ROBO1: variants seen among roughly 807,000 people sequenced by gnomAD.
ROBO1 encodes roundabout homolog 1.
ROBO1 carries 149 observed loss-of-function variants against 195.9 expected under a neutral mutation model. The ratio of observed to expected loss-of-function variants is 0.76; its 90% confidence interval spans 0.67 to 0.87. The LOEUF is 0.87. Ranked by LOEUF, ROBO1 falls within the 40% of genes least tolerant of loss-of-function variation. The probability of loss-of-function intolerance (pLI) is 0.00; values close to 1 mark genes in which losing one functional copy is unlikely to be tolerated. For synonymous variants in ROBO1, 816 were observed against 733.2 expected (o/e 1.11, Z -1.82); for missense variants, 1,933 against 2,068.3 (o/e 0.93, Z 1.27).
intron 1 of ROBO1, among the ~76,000 whole-genome samples, chr3:79,610,465 TG>T (rs1485868913): frequency 2.0e-5 from 3 of 151,988 alleles, no homozygotes; most frequent in African/African-American, 4.8e-5. Context: ...TAAAAGATAG[TG>T]TTTTTCCTGT....
At position 78,847,108 on chromosome 3, in the gene ROBO1, G is replaced by C. The variant is rs568546566; in HGVS notation, c.499+91493C>G. Among the ~76,000 whole-genome samples the C allele has an allele frequency of 5.2e-4, 79 of 152,166 alleles. No individual in the cohort carries two copies. The South Asian group carries it at 0.016, about 30-fold the overall frequency. On this transcript the variant is annotated intron_variant, in intron 4 of 30. Coordinates refer to ENST00000464233, the MANE Select transcript of ROBO1 (RefSeq NM_002941.4). ...TCGATTAATCAAATCTAGGCTCCAG[G>C]CTGCAAAATGAAATGATTTTTTTTA...
chr3:79,609,851 G>A (rs1466360979), intron 1 of ROBO1, among the ~76,000 whole-genome samples: 1 of 151,790 alleles, frequency 6.6e-6, no homozygotes, highest in Admixed American at 6.6e-5. Context: ...GAGGGAAGAA[G>A]AAAATGAGGA....
At chr3:78,754,261 T>C (rs992683162) in intron 4 of ROBO1, among the ~76,000 whole-genome samples, 4 of 152,012 alleles carry the variant, frequency 2.6e-5, no homozygotes, top group Admixed American at 2.0e-4. Flanking sequence ...CCAGTACAAA[T>C]GGAAAGGAGG....
chr3:79,453,854 T>C (rs2039525009), intron 2 of ROBO1, among the ~76,000 whole-genome samples: 1 of 152,088 alleles, frequency 6.6e-6, no homozygotes. Context: ...TGTCCTGTAA[T>C]GGGCAAAGTC....
intron 2 of ROBO1, among the ~76,000 whole-genome samples, chr3:79,169,452 G>GCA (rs138703262): frequency 8.1e-4 from 122 of 151,038 alleles, no homozygotes; most frequent in Middle Eastern, 6.8e-3. Flanking sequence ...CTGTAGAAAT[G>GCA]CACACACACA....
rs750076939 is a variant in ROBO1, at chr3:79,353,228, C to T, written c.89-227689G>A. 1.3e-3 allele frequency among the ~76,000 whole-genome samples: 200 copies of T among 152,164 alleles called. 1 individual carries two copies. The highest frequency in any genetic ancestry group is 2.8e-3 in the Non-Finnish European group (191 of 68,016). ...TGACTATTAGATATGATGTATTGTTCTGAGTCATTGAGACAAATTATTAAG... is the reference window on the plus strand; with the variant it reads ...TGACTATTAGATATGATGTATTGTTTTGAGTCATTGAGACAAATTATTAAG... On this transcript the variant is annotated intron_variant, in intron 2 of 30. Coordinates refer to ENST00000464233, the MANE Select transcript of ROBO1 (RefSeq NM_002941.4).
At chr3:79,699,656 T>G (rs770373411) in intron 1 of ROBO1, among the ~76,000 whole-genome samples, 2 of 133,926 alleles carry the variant, frequency 1.5e-5, no homozygotes, top group East Asian at 2.0e-4. Flanking sequence ...TATGTTGTTG[T>G]TTTTTTTTCA....
intron 3 of ROBO1, among the ~76,000 whole-genome samples, chr3:79,003,338 G>A (rs1168431121): frequency 6.6e-6 from 1 of 151,952 alleles, no homozygotes; most frequent in Non-Finnish European, 1.5e-5. Context: ...TTGGGGTTTG[G>A]AAATCAGGGT....
chr3:79,239,333 A>G (rs1007449542), intron 2 of ROBO1, among the ~76,000 whole-genome samples: 2 of 152,232 alleles, frequency 1.3e-5, no homozygotes, highest in Admixed American at 6.5e-5. Flanking sequence ...TAATGGCACT[A>G]TATATCACAT....
chr3:79,055,711 G>A (rs377271934), intron 3 of ROBO1, among the ~76,000 whole-genome samples: 10 of 152,092 alleles, frequency 6.6e-5, no homozygotes, highest in Middle Eastern at 3.4e-3. Context: ...ACTCGGTCTC[G>A]GTCCAAAACA....
chr3:78,786,170 T>A (rs955250226), intron 4 of ROBO1, among the ~76,000 whole-genome samples: 1 of 152,218 alleles, frequency 6.6e-6, no homozygotes, highest in Non-Finnish European at 1.5e-5. Flanking sequence ...GCTACACTTT[T>A]ATCCTTTTGA....
At chr3:79,031,242 G>T (rs895474438) in intron 3 of ROBO1, among the ~76,000 whole-genome samples, 1 of 152,086 alleles carries the variant, frequency 6.6e-6, no homozygotes, top group African/African-American at 2.4e-5. Context: ...GTGTGGATGT[G>T]GCTTTGAATG....
At chr3:79,518,740 G>T (rs1427588805) in intron 2 of ROBO1, among the ~76,000 whole-genome samples, 1 of 151,814 alleles carries the variant, frequency 6.6e-6, no homozygotes, top group African/African-American at 2.4e-5. Context: ...GAGTGCAATG[G>T]TGCGATCTCG....
intron 2 of ROBO1, among the ~76,000 whole-genome samples, chr3:79,151,734 T>C (rs1235376067): frequency 6.6e-6 from 1 of 151,846 alleles, no homozygotes; most frequent in African/African-American, 2.4e-5. Context: ...GTTTGATCAC[T>C]ACACTGAAGT....
At chr3:79,379,620 A>T (rs896997855) in intron 2 of ROBO1, among the ~76,000 whole-genome samples, 2 of 152,218 alleles carry the variant, frequency 1.3e-5, no homozygotes, top group African/African-American at 4.8e-5. Flanking sequence ...TTGCACTTAC[A>T]TCGTAATTCA....
Position 78,617,719 on chromosome 3 carries a change from C to A in ROBO1, c.4198G>T (p.Asp1400Tyr), listed in dbSNP as rs1704199373. The stretch of plus-strand genomic sequence containing the variant: ...GCGACTGCCTGGGCAAAGTCAGCAT[C>A]AGTGAAAAAGGAGCCGTCCGAAGAA... Reference protein sequence around the residue: ...VSSSDGSFFTDADFAQAVAAA... With the variant: ...VSSSDGSFFTYADFAQAVAAA... Residue 1400 changes from aspartate (D) to tyrosine (Y), a missense_variant, in exon 27 of 31, where the codon GAT becomes TAT. Asp to Tyr is a radical substitution (Grantham distance 160). Transcript: ENST00000464233. 6.2e-7 allele frequency: 1 copy of A among 1,613,956 alleles called. No homozygotes were observed.
intron 1 of ROBO1, among the ~76,000 whole-genome samples, chr3:79,601,708 TA>T (rs1237170233): frequency 6.6e-6 from 1 of 151,956 alleles, no homozygotes; most frequent in Non-Finnish European, 1.5e-5. Context: ...CATGGTAGAT[TA>T]AAAAATAGAG....
At chr3:79,427,239 T>C (rs1001411659) in intron 2 of ROBO1, among the ~76,000 whole-genome samples, 9 of 152,198 alleles carry the variant, frequency 5.9e-5, no homozygotes, top group Non-Finnish European at 1.0e-4. Flanking sequence ...TGAACAACTA[T>C]TGTACGCACA....
At chr3:78,633,734 C>T (rs1260309067) in intron 24 of ROBO1, among the ~76,000 whole-genome samples, 2 of 152,120 alleles carry the variant, frequency 1.3e-5, no homozygotes, top group Non-Finnish European at 2.9e-5. Context: ...GACACTTAGT[C>T]TTTTTGCCAA....
Sources: allele counts gnomAD v4.1 joint callset (sites outside exome capture counted in the v4.1 genomes callset), GRCh38; gene constraint gnomAD v4.1.1; transcripts MANE v1.5; gene names NCBI Gene and HGNC (gene_info 2026-07-23, HGNC 2026-07-21).